The following MGLL variants were observed in gnomAD, a reference collection of about 807,000 sequenced individuals.
The protein encoded by MGLL is lysophospholipase homolog.
A neutral mutation model predicts 29.1 loss-of-function variants in MGLL; 7 were observed. That is an observed-to-expected ratio of 0.24 (90% CI 0.14 to 0.45). The LOEUF is 0.45. MGLL is among the 20% of genes least tolerant of loss of function. The probability of loss-of-function intolerance (pLI) is 0.99; values close to 1 mark genes in which losing one functional copy is unlikely to be tolerated. For missense variants in MGLL, 356 were observed against 413.6 expected (o/e 0.86, Z 1.21); for synonymous variants, 148 against 168.3 (o/e 0.88, Z 0.93).
intron 3 of MGLL, among the ~76,000 whole-genome samples, chr3:127,766,126 T>A (rs971232443): frequency 2.6e-5 from 4 of 152,200 alleles, no homozygotes; most frequent in Non-Finnish European, 5.9e-5. Context: ...TATTTCCCCA[T>A]GATCACTCCC....
chr3:127,726,019 C>T (rs11927013), intron 3 of MGLL, among the ~76,000 whole-genome samples: 38,758 of 149,372 alleles, frequency 0.26, 5,209 homozygotes, highest in Middle Eastern at 0.49. Flanking sequence ...GAGCTGTGCT[C>T]GCACCACTGC....
chr3:127,724,673 G>A (rs1169979544), intron 3 of MGLL, among the ~76,000 whole-genome samples: 16 of 152,078 alleles, frequency 1.1e-4, no homozygotes, highest in Admixed American at 9.2e-4. Context: ...GGATGCAGCC[G>A]CTGCTCCTCC....
chr3:127,779,839 G>T (rs1254218374), intron 3 of MGLL, among the ~76,000 whole-genome samples: 1 of 152,162 alleles, frequency 6.6e-6, no homozygotes, highest in East Asian at 1.9e-4. Flanking sequence ...CTAGCCACCA[G>T]TACCTGCATC....
At chr3:127,716,021 C>T in intron 5 of MGLL, 1 of 354,644 alleles carries the variant, frequency 2.8e-6, no homozygotes. Context: ...CCCGCACCTG[C>T]CCCATGACCC....
intron 3 of MGLL, among the ~76,000 whole-genome samples, chr3:127,733,780 T>G (rs6780384): frequency 0.9 from 137,573 of 152,264 alleles, 62,405 homozygotes; most frequent in African/African-American, 0.98. Context: ...CCTCCCTGGG[T>G]AGAAAGGACC....
chr3:127,755,370 C>T (rs1311901496), intron 3 of MGLL, among the ~76,000 whole-genome samples: 1 of 152,162 alleles, frequency 6.6e-6, no homozygotes, highest in Non-Finnish European at 1.5e-5. Context: ...CCTCTCCCAC[C>T]CAGCCTGCCT....
At chr3:127,771,526 T>C (rs773162282) in intron 3 of MGLL, among the ~76,000 whole-genome samples, 2 of 152,050 alleles carry the variant, frequency 1.3e-5, no homozygotes, top group Non-Finnish European at 2.9e-5. Context: ...ACTGCTAATT[T>C]TTGTGTTTTT....
chr3:127,793,675 C>T (rs994754384), intron 2 of MGLL, among the ~76,000 whole-genome samples: 4 of 152,324 alleles, frequency 2.6e-5, no homozygotes, highest in Non-Finnish European at 5.9e-5. Flanking sequence ...GATTGTCCTG[C>T]CTCAGCCTCC....
chr3:127,753,556 G>T (rs559373760), intron 3 of MGLL, among the ~76,000 whole-genome samples: 52 of 152,222 alleles, frequency 3.4e-4, no homozygotes, highest in Non-Finnish European at 6.9e-4. Flanking sequence ...GACGTGCTGG[G>T]CGCTTCTGCA....
intron 3 of MGLL, among the ~76,000 whole-genome samples, chr3:127,750,173 C>T (rs1474762230): frequency 1.3e-5 from 2 of 152,098 alleles, no homozygotes; most frequent in African/African-American, 4.8e-5. Context: ...AGGGTAGAGG[C>T]TCCCTGCTGA....
intron 3 of MGLL, among the ~76,000 whole-genome samples, chr3:127,763,539 C>T (rs1342053664): frequency 2.0e-5 from 3 of 152,208 alleles, no homozygotes; most frequent in Non-Finnish European, 4.4e-5. Flanking sequence ...GCCACAGCAG[C>T]CACGGCCATC....
chr3:127,707,938 C>T (rs2075634113), intron 6 of MGLL, among the ~76,000 whole-genome samples: 1 of 152,226 alleles, frequency 6.6e-6, no homozygotes, highest in Non-Finnish European at 1.5e-5. Context: ...GGCAACAGAG[C>T]TAACCCGCTT....
chr3:127,799,470 T>C (rs2077440419), intron 2 of MGLL: 1 of 152,138 alleles, frequency 6.6e-6, no homozygotes. Flanking sequence ...CTACCCTGCC[T>C]CCCTCAGAGT....
rs11433015 is a variant in MGLL at position 127,692,094 on chromosome 3, A to ATTTTTTTTTTTT, written c.*92_*103dup. On this transcript the variant is annotated 3_prime_UTR_variant, in exon 8 of 8. Coordinates refer to ENST00000265052, the MANE Select transcript of MGLL (RefSeq NM_007283.7). The stretch of plus-strand genomic sequence containing the variant: ...GTGCTAAGGATTTCTCCAATTTCTG[A>ATTTTTTTTTTTT]TTTTTTTTTTTTTTTTTTTTTGGCA... The ATTTTTTTTTTTT allele has an allele frequency of 1.1e-5, 8 of 709,172 alleles. No individual in the cohort carries two copies. Among genetic ancestry groups the ATTTTTTTTTTTT allele is most frequent in the South Asian group, 4.9e-5 (3 of 60,946 alleles). 43.9% of individuals were successfully genotyped at this position (709,172 alleles called of 1,614,324 possible).
intron 2 of MGLL, among the ~76,000 whole-genome samples, chr3:127,816,671 G>T (rs2077761971): frequency 6.6e-6 from 1 of 152,230 alleles, no homozygotes; most frequent in African/African-American, 2.4e-5. Context: ...TGGGGGAAGT[G>T]CCCGAGGATG....
rs191709868 is a variant in MGLL at position 127,767,501 on chromosome 3, G to A, written c.262+14288C>T. On this transcript the variant is annotated intron_variant, in intron 3 of 7. Transcript: ENST00000265052. ...TTAGCTTGTGAGATTCTCAAGGGCA[G>A]GAGCATTGTCTCATTCCTCTTTCTA... 4.6e-3 allele frequency among the ~76,000 whole-genome samples: 698 copies of A among 152,346 alleles called. 3 individuals carry two copies. Among genetic ancestry groups the A allele is most frequent in the Non-Finnish European group, 7.9e-3 (539 of 68,032 alleles).
intron 2 of MGLL, among the ~76,000 whole-genome samples, chr3:127,796,688 G>T (rs919335841): frequency 1.3e-5 from 2 of 152,150 alleles, no homozygotes; most frequent in Non-Finnish European, 2.9e-5. Flanking sequence ...TGAGTGTCAC[G>T]CAATGTTTAG....
chr3:127,695,190 C>A lies in MGLL; in HGVS notation c.601G>T (p.Val201Phe). The A allele has an allele frequency of 6.2e-7, 1 of 1,613,626 alleles. No homozygotes were observed. Among genetic ancestry groups the A allele is most frequent in the African/African-American group, 1.3e-5 (1 of 75,044 alleles). The change falls in exon 7 of 8, where the codon GTC becomes TTC. Residue 201 changes from valine to phenylalanine, a missense_variant and splice_region_variant. Transcript: ENST00000265052. Reference protein sequence around the residue: ...SSVLSRNKTEVDIYNSDPLIC... With the variant: ...SSVLSRNKTEFDIYNSDPLIC... Reference sequence around the variant, plus strand: ...AGGGGGTCTGAGTTATAAATGTCGACCTGGAGGAAGAAGGAGAGGGTTCCA... The same window carrying A: ...AGGGGGTCTGAGTTATAAATGTCGAACTGGAGGAAGAAGGAGAGGGTTCCA...
At chr3:127,740,908 C>G (rs2076328936) in intron 3 of MGLL, among the ~76,000 whole-genome samples, 1 of 152,176 alleles carries the variant, frequency 6.6e-6, no homozygotes, top group South Asian at 2.1e-4. Flanking sequence ...TAGAACGCCC[C>G]CAAAGCAGTG....
Sources: gnomAD v4.1 joint callset for allele counts (sites outside exome capture counted in the v4.1 genomes callset) on GRCh38, gnomAD v4.1.1 for gene constraint, MANE v1.5 for transcripts, NCBI Gene and HGNC (gene_info 2026-07-23, HGNC 2026-07-21) for gene names.